ZMYM2: variants seen among roughly 807,000 people sequenced by gnomAD.
ZMYM2 encodes the protein zinc finger MYM-type containing 2.
A neutral mutation model predicts 162.8 loss-of-function variants in ZMYM2; 56 were observed. The ratio of observed to expected loss-of-function variants is 0.34; its 90% CI spans 0.28 to 0.43. The LOEUF (loss-of-function observed/expected upper bound fraction) is 0.43. Ranked by LOEUF, ZMYM2 falls within the 20% of genes least tolerant of loss-of-function variation. ZMYM2 has a pLI of 1.00. For synonymous variants in ZMYM2, 510 were observed against 541.6 expected (o/e 0.94, Z 0.81); for missense variants, 1,275 against 1,621.8 (o/e 0.79, Z 3.67).
At chr13:20,072,839 A>G (rs1189915182) in intron 21 of ZMYM2, among the ~76,000 whole-genome samples, 1 of 151,900 alleles carries the variant, frequency 6.6e-6, no homozygotes, top group Non-Finnish European at 1.5e-5. Context: ...TTGTTAGCCT[A>G]AGTTTGGTAA....
chr13:20,083,627 G>A, intron 23 of ZMYM2, 29 bp from the exon 24 acceptor site: 1 of 1,442,888 alleles, frequency 6.9e-7, no homozygotes, highest in Non-Finnish European at 9.5e-7. Flanking sequence ...GATTAGTTTA[G>A]GAGGTTTATT....
the ZMYM2 span, among the ~76,000 whole-genome samples, chr13:19,920,568 A>G: frequency 6.6e-6 from 1 of 151,366 alleles, no homozygotes; most frequent in Non-Finnish European, 1.5e-5. Context: ...ACTGTGAAGG[A>G]GGAGGTGATT....
chr13:19,925,148 T>A, the ZMYM2 span, among the ~76,000 whole-genome samples: 1 of 152,210 alleles, frequency 6.6e-6, no homozygotes, highest in African/African-American at 2.4e-5. Context: ...CCTCCCAAAG[T>A]GCTGGGATTA....
At chr13:19,957,900 C>G (rs796779100), upstream of ZMYM2, among the ~76,000 whole-genome samples, 7 of 152,354 alleles carry the variant, frequency 4.6e-5, no homozygotes, top group African/African-American at 1.7e-4. Context: ...CCTGTGGCCC[C>G]GCGGACGCAG....
chr13:19,920,351 G>A, the ZMYM2 span, among the ~76,000 whole-genome samples: 2 of 152,092 alleles, frequency 1.3e-5, no homozygotes, highest in Admixed American at 6.6e-5. Context: ...ACAGAAACAA[G>A]TCTCAGACCC....
At chr13:19,886,020 T>C in the ZMYM2 span, among the ~76,000 whole-genome samples, 1 of 145,240 alleles carries the variant, frequency 6.9e-6, no homozygotes, top group African/African-American at 2.5e-5. Flanking sequence ...TAGTTTAGAT[T>C]TAAAATACCG....
At chr13:19,864,236 G>C in the ZMYM2 span, 12 of 155,122 alleles carry the variant, frequency 7.7e-5, no homozygotes, top group East Asian at 2.3e-3. Flanking sequence ...GTGCGCTGCG[G>C]TCAGTGGAGG....
At chr13:20,073,414 GGA>G (rs1957239672) in intron 21 of ZMYM2, among the ~76,000 whole-genome samples, 1 of 152,198 alleles carries the variant, frequency 6.6e-6, no homozygotes, top group East Asian at 1.9e-4. Context: ...TTGGGCCCAT[GGA>G]GCTAGCTAGG....
intron 24 of ZMYM2, among the ~76,000 whole-genome samples, chr13:20,084,487 G>T (rs1958117911): frequency 6.6e-6 from 1 of 152,218 alleles, no homozygotes. Flanking sequence ...TTCATGGCAT[G>T]TGGCTGTGTT....
intron 2 of ZMYM2, among the ~76,000 whole-genome samples, chr13:19,961,566 G>A (rs566690782): frequency 6.6e-6 from 1 of 152,186 alleles, no homozygotes; most frequent in African/African-American, 2.4e-5. Context: ...TATCTTTCTA[G>A]GATTTTTTTT....
Position 20,030,688 on chromosome 13 carries a change from A to G in ZMYM2, c.1852-631A>G, listed in dbSNP as rs528596258. On this transcript the variant is annotated intron_variant, in intron 9 of 24. Coordinates refer to ENST00000610343, the MANE Select transcript of ZMYM2 (RefSeq NM_197968.4). Reference sequence around the variant, plus strand: ...GCCGGGATTACAGGCATGAGCCACCACGCCTGGCCTAATTTTTGTAGTTTT... The same window carrying G: ...GCCGGGATTACAGGCATGAGCCACCGCGCCTGGCCTAATTTTTGTAGTTTT... 1.3e-3 allele frequency among the ~76,000 whole-genome samples: 203 copies of G among 151,874 alleles called. 1 individual carries two copies. The highest frequency in any genetic ancestry group is 1.6e-3 in the Non-Finnish European group (106 of 67,926).
the ZMYM2 span, among the ~76,000 whole-genome samples, chr13:19,877,545 CTCTG>C: frequency 2.0e-5 from 3 of 152,222 alleles, no homozygotes; most frequent in Non-Finnish European, 4.4e-5. Context: ...TCCCACTAGG[CTCTG>C]TCTTTCAACA....
intron 21 of ZMYM2, among the ~76,000 whole-genome samples, chr13:20,081,066 C>A (rs981398837): frequency 1.3e-5 from 2 of 152,196 alleles, no homozygotes; most frequent in Non-Finnish European, 2.9e-5. Flanking sequence ...GAATTAAAAT[C>A]TGTTATCCTT....
chr13:19,886,561 A>G, the ZMYM2 span, among the ~76,000 whole-genome samples: 1 of 151,906 alleles, frequency 6.6e-6, no homozygotes, highest in Non-Finnish European at 1.5e-5. Flanking sequence ...TCATACACCC[A>G]TGAAGCCAGC....
chr13:20,088,576 A>G lies in ZMYM2; in HGVS notation c.*2562A>G, dbSNP rs986263312. On this transcript the variant is annotated 3_prime_UTR_variant, in exon 25 of 25. Coordinates refer to ENST00000610343, the MANE Select transcript of ZMYM2 (RefSeq NM_197968.4). ...AACACATTTTAAAAGGCTTTACTGTATTAGGTAACATAGATATTAAAGGAT... is the reference window on the plus strand; with the variant it reads ...AACACATTTTAAAAGGCTTTACTGTGTTAGGTAACATAGATATTAAAGGAT... 1 of 194,514 alleles carries G rather than the reference A, an allele frequency of 5.1e-6. No individual in the cohort carries two copies. The highest frequency in any genetic ancestry group is 1.1e-5 in the Non-Finnish European group (1 of 93,432). The allele number at this position is 194,514 out of a possible 1,614,324, so 12.0% of individuals were successfully genotyped here.
chr13:20,086,348 C>T lies in ZMYM2; in HGVS notation c.*334C>T, dbSNP rs1172068783. ...AGTAAGAAACATCCATATTGCACAA[C>T]TCTACTGTTGCAAAGCTTCCTTGGA... On this transcript the variant is annotated 3_prime_UTR_variant, in exon 25 of 25. Transcript: ENST00000610343. The T allele has an allele frequency of 8.4e-6, 2 of 238,528 alleles. No homozygotes were observed. The highest frequency in any genetic ancestry group is 1.6e-5 in the Non-Finnish European group (2 of 121,386). The allele number at this position is 238,528 out of a possible 1,614,324, so 14.8% of individuals were successfully genotyped here.
intron 4 of ZMYM2, among the ~76,000 whole-genome samples, chr13:20,003,740 C>T (rs1236639381): frequency 6.6e-6 from 1 of 151,942 alleles, no homozygotes; most frequent in African/African-American, 2.4e-5. Context: ...CCTCCACCTC[C>T]TGGGTTCAAG....
intron 3 of ZMYM2, among the ~76,000 whole-genome samples, chr13:19,997,391 G>C (rs760825899): frequency 2.6e-5 from 4 of 152,108 alleles, no homozygotes; most frequent in Non-Finnish European, 5.9e-5. Flanking sequence ...TGCCCCTAAC[G>C]ATTTTTGGTT....
At chr13:20,071,666 T>C (rs1180681599) in intron 21 of ZMYM2, among the ~76,000 whole-genome samples, 1 of 152,056 alleles carries the variant, frequency 6.6e-6, no homozygotes, top group Non-Finnish European at 1.5e-5. Context: ...GTAGGGAGAG[T>C]AGCCTTTGCT....
Sources: allele counts gnomAD v4.1 joint callset (sites outside exome capture counted in the v4.1 genomes callset), GRCh38; gene constraint gnomAD v4.1.1; transcripts MANE v1.5; gene names NCBI Gene and HGNC (gene_info 2026-07-23, HGNC 2026-07-21).